PRICKLE4: variants seen among roughly 807,000 people sequenced by gnomAD.
PRICKLE4 encodes the protein prickle-like protein 4.
In PRICKLE4, 40 loss-of-function variants were observed where a neutral mutation model predicts 43.5. That is an observed-to-expected ratio of 0.92 (90% CI 0.71 to 1.20). The LOEUF (loss-of-function observed/expected upper bound fraction) is 1.20. Ranked by LOEUF, PRICKLE4 falls within the 50% of genes most tolerant of loss-of-function variation. PRICKLE4 has a pLI of 0.00. For synonymous variants in PRICKLE4, 208 were observed against 197.4 expected, an observed-to-expected ratio of 1.05 and a Z score of -0.45; for missense variants, 527 against 491.2, an observed-to-expected ratio of 1.07 and a Z score of -0.69.
At chr6:41,786,600 TG>T in intron 7 of PRICKLE4, 161 bp from the exon 8 acceptor site, 2 of 1,258,358 alleles carry the variant, frequency 1.6e-6, no homozygotes, top group Non-Finnish European at 2.2e-6. Context: ...GGACGCCCTC[TG>T]GTGGAGGCGG....
chr6:41,786,411 C>G, intron 7 of PRICKLE4, 79 bp downstream of exon 7: 1 of 1,438,450 alleles, frequency 7.0e-7, no homozygotes, highest in Non-Finnish European at 9.4e-7. Context: ...GGACCCTCGC[C>G]CCGGTCCCAC....
At chr6:41,785,952 G>GCTGGGATC (rs1772636516) in intron 6 of PRICKLE4, among the ~76,000 whole-genome samples, 176 bp from the exon 7 acceptor site, 1 of 152,232 alleles carries the variant, frequency 6.6e-6, no homozygotes, top group Admixed American at 6.5e-5. Flanking sequence ...CCACTTGCTA[G>GCTGGGATC]CTGGGATCCT....
intron 2 of PRICKLE4, among the ~76,000 whole-genome samples, chr6:41,782,383 C>CTTTTTTTT (rs1444866176): frequency 4.3e-5 from 3 of 70,426 alleles, no homozygotes; most frequent in Non-Finnish European, 8.0e-5. Context: ...ATGGTCACTT[C>CTTTTTTTT]TTCTTTTTTT....
In PRICKLE4 at chr6:41,786,860, C is replaced by G; in HGVS notation, c.886C>G (p.Leu296Val). The change falls in exon 8 of 8, where the codon CTG becomes GTG. Residue 296 changes from leucine to valine, a missense_variant. Coordinates refer to ENST00000458694, the MANE Select transcript of PRICKLE4 (RefSeq NM_013397.6). ...TLLAAAGGSS[L>V]QTQRGLPGSS... is the part of the protein sequence containing the mutation. ...CCTCGCTGCTGCCGGCGGTTCCAGC[C>G]TGCAAACTCAGAGGGGGCTGCCTGG... 1 of 1,603,954 alleles carries G rather than the reference C, an allele frequency of 6.2e-7. No individual in the cohort carries two copies. Among genetic ancestry groups the G allele is most frequent in the Non-Finnish European group, 8.5e-7 (1 of 1,173,552 alleles).
rs1245620984 is a variant in PRICKLE4, at chr6:41,786,295, G to C, written c.750G>C (p.Ser250=). The C allele has an allele frequency of 3.2e-6, 5 of 1,582,746 alleles. No individual in the cohort carries two copies. The highest frequency in any genetic ancestry group is 3.4e-6 in the Non-Finnish European group (4 of 1,160,250). ...AGAACCGCTACTCGGATGCAGGCTC[G>C]AGCTGGGCCGGGGCACTGGAAGGGC... ...CFENRYSDAG[S]SWAGALEGQA... is the part of the protein sequence containing the mutation. The change falls in exon 7 of 8, where the codon TCG becomes TCC. Residue 250 remains serine, a synonymous_variant. Coordinates refer to ENST00000458694, the MANE Select transcript of PRICKLE4 (RefSeq NM_013397.6).
At position 41,785,544 on chromosome 6, in the gene PRICKLE4, C is replaced by A; in HGVS notation, c.582+4C>A. On this transcript the variant is annotated splice_donor_region_variant and intron_variant, in intron 6 of 7. Coordinates refer to ENST00000458694, the MANE Select transcript of PRICKLE4 (RefSeq NM_013397.6). ...GCGCTGCCCGGCTTGTGACCAGGTA[C>A]AGCCTGGAGGGGAGGAACTGGGGGT... 13 of 1,611,578 alleles carry A rather than the reference C, an allele frequency of 8.1e-6. No homozygotes were observed. Among genetic ancestry groups the A allele is most frequent in the Non-Finnish European group, 1.0e-5 (12 of 1,179,784 alleles).
rs776429568 is a variant in PRICKLE4, at chr6:41,785,518, C to T, written c.560C>T (p.Pro187Leu). 11 of 1,613,338 alleles carry T rather than the reference C, an allele frequency of 6.8e-6. No homozygotes were observed. The highest frequency in any genetic ancestry group is 1.1e-5 in the South Asian group (1 of 91,084). Residue 187 changes from proline to leucine, a missense_variant, in exon 6 of 8, where the codon CCG (proline) becomes CTG (leucine). Coordinates refer to ENST00000458694, the MANE Select transcript of PRICKLE4 (RefSeq NM_013397.6). Reference sequence around the variant, plus strand: ...CGTCATCATGCAGAGTTGCTGCGCCCGCGCTGCCCGGCTTGTGACCAGGTA... The same window carrying T: ...CGTCATCATGCAGAGTTGCTGCGCCTGCGCTGCCCGGCTTGTGACCAGGTA... ...CGRHHAELLR[P>L]RCPACDQLIF...
chr6:41,783,397 C>G, intron 2 of PRICKLE4, 65 bp from the exon 3 acceptor site: 2 of 1,405,708 alleles, frequency 1.4e-6, no homozygotes, highest in Non-Finnish European at 9.6e-7. Context: ...CTATAAAGCA[C>G]TTAACACTTC....
Position 41,787,090 on chromosome 6 carries a change from G to A in PRICKLE4, c.1116G>A (p.Glu372=), listed in dbSNP as rs1239150917. ...AGACCCCCGGAAGCCTCCAAGCAGA[G>A]GACAGCAACGCCTCTAAGACGCACT... The part of the protein sequence containing the change: ...SWKTPGSLQA[E]DSNASKTHCT... The change falls in exon 8 of 8, where the codon GAG becomes GAA. Residue 372 remains glutamate (E), a synonymous_variant. Transcript: ENST00000458694. 1.9e-6 allele frequency: 3 copies of A among 1,611,392 alleles called. No homozygotes were observed. Among genetic ancestry groups the A allele is most frequent in the Non-Finnish European group, 2.5e-6 (3 of 1,179,864 alleles).
intron 1 of PRICKLE4, 163 bp from the exon 2 acceptor site, chr6:41,781,187 G>A (rs1772547260): frequency 6.5e-6 from 1 of 152,814 alleles, no homozygotes; most frequent in Admixed American, 6.5e-5. Flanking sequence ...GAGGTGGGAG[G>A]GGGAAGGGAA....
intron 2 of PRICKLE4, among the ~76,000 whole-genome samples, 171 bp from the exon 3 acceptor site, chr6:41,783,291 G>A (rs1429791503): frequency 6.6e-6 from 1 of 152,180 alleles, no homozygotes; most frequent in Admixed American, 6.5e-5. Context: ...CCTTGGGCAT[G>A]CTACTCAAGG....
chr6:41,783,375 G>A (rs932670433), intron 2 of PRICKLE4, 87 bp from the exon 3 acceptor site: 1 of 1,321,324 alleles, frequency 7.6e-7, no homozygotes, highest in Non-Finnish European at 1.0e-6. Context: ...GGAGGACTGA[G>A]GGAAATAATA....
rs200945561 is a variant in PRICKLE4 at position 41,784,140 on chromosome 6, G to C, written c.142G>C (p.Val48Leu). 6.2e-7 allele frequency: 1 copy of C among 1,613,692 alleles called. No homozygotes were observed. The highest frequency in any genetic ancestry group is 2.2e-5 in the East Asian group (1 of 44,884). The change falls in exon 4 of 8, where the codon GTT becomes CTT. Residue 48 changes from valine to leucine, a missense_variant. By Grantham distance (32) the Val-to-Leu change is conservative. Coordinates refer to ENST00000458694, the MANE Select transcript of PRICKLE4 (RefSeq NM_013397.6). The part of the protein sequence containing the change: ...PEDTHAQGPA[V>L]LSLGSLCLDT... ...TTCCATGTCTCCTCAGGGTCCTGCAGTTCTGAGCTTGGGTTCCCTTTGCCT... is the reference window on the plus strand; with the variant it reads ...TTCCATGTCTCCTCAGGGTCCTGCACTTCTGAGCTTGGGTTCCCTTTGCCT...
chr6:41,787,245 A>G lies in PRICKLE4; in HGVS notation c.*116A>G. 7.1e-7 allele frequency: 1 copy of G among 1,412,262 alleles called. No individual in the cohort carries two copies. The highest frequency in any genetic ancestry group is 9.3e-7 in the Non-Finnish European group (1 of 1,074,658). The allele number at this position is 1,412,262 out of a possible 1,614,324, so 87.5% of individuals were successfully genotyped here. On this transcript the variant is annotated 3_prime_UTR_variant, in exon 8 of 8. Coordinates refer to ENST00000458694, the MANE Select transcript of PRICKLE4 (RefSeq NM_013397.6). ...GAGACGCAGTCAGGCGCACGCCCGCAAGAGGCGGCGAGGTGACAAGTTTGG... is the reference window on the plus strand; with the variant it reads ...GAGACGCAGTCAGGCGCACGCCCGCGAGAGGCGGCGAGGTGACAAGTTTGG...
At chr6:41,785,202 T>A in intron 5 of PRICKLE4, 130 bp downstream of exon 5, 1 of 1,530,210 alleles carries the variant, frequency 6.5e-7, no homozygotes, top group South Asian at 1.2e-5. Flanking sequence ...GTTTGCAAGC[T>A]CTTGGTATAG....
intron 3 of PRICKLE4, 52 bp from the exon 4 acceptor site, chr6:41,784,078 GA>G: frequency 7.3e-7 from 1 of 1,363,386 alleles, no homozygotes; most frequent in Non-Finnish European, 1.0e-6. Context: ...GAAAGAAGGA[GA>G]AAGGAAAGAA....
rs767751683 is a variant in PRICKLE4, at chr6:41,784,163, C to T, written c.165C>T (p.Cys55=). The T allele has an allele frequency of 2.5e-6, 4 of 1,614,110 alleles. No individual in the cohort carries two copies. Among genetic ancestry groups the T allele is most frequent in the East Asian group, 2.2e-5 (1 of 44,886 alleles). Reference sequence around the variant, plus strand: ...CAGTTCTGAGCTTGGGTTCCCTTTGCCTGGACACCAACCAAGCCCCCAACT... The same window carrying T: ...CAGTTCTGAGCTTGGGTTCCCTTTGTCTGGACACCAACCAAGCCCCCAACT... ...GPAVLSLGSL[C]LDTNQAPNWT... is the part of the protein sequence containing the mutation. Residue 55 remains cysteine (C), a synonymous_variant, in exon 4 of 8, where the codon TGC becomes TGT. Coordinates refer to ENST00000458694, the MANE Select transcript of PRICKLE4 (RefSeq NM_013397.6).
chr6:41,784,954 T>C lies in PRICKLE4; in HGVS notation c.260T>C (p.Leu87Pro). The C allele has an allele frequency of 1.9e-6, 3 of 1,614,044 alleles. No homozygotes were observed. The highest frequency in any genetic ancestry group is 1.7e-6 in the Non-Finnish European group (2 of 1,179,982). ...CTGCAGGAGCGCTACTGCCTGGCCC[T>C]TGGGGAGGAGGAGCGGGCCGAGCTG... ...QDIDERYCLA[L>P]GEEERAELQL... Residue 87 changes from leucine to proline, a missense_variant, in exon 5 of 8, where the codon CTT becomes CCT. By Grantham distance (98) the Leu-to-Pro change is moderately conservative. Coordinates refer to ENST00000458694, the MANE Select transcript of PRICKLE4 (RefSeq NM_013397.6).
intron 6 of PRICKLE4, 137 bp downstream of exon 6, chr6:41,785,677 G>A: frequency 1.1e-6 from 1 of 912,104 alleles, no homozygotes; most frequent in Non-Finnish European, 1.6e-6. Flanking sequence ...GGACTACCAA[G>A]TTCCCTGTGT....
Sources: gnomAD v4.1 joint callset for allele counts (sites outside exome capture counted in the v4.1 genomes callset) on GRCh38, gnomAD v4.1.1 for gene constraint, MANE v1.5 for transcripts, NCBI Gene and HGNC (gene_info 2026-07-23, HGNC 2026-07-21) for gene names.